Variants in HNRNPM observed in about 807,000 individuals in gnomAD.
The protein encoded by HNRNPM is heterogeneous nuclear ribonucleoprotein M, also known as CEA receptor.
In HNRNPM, 11 loss-of-function variants were observed where a neutral mutation model predicts 73.1. The observed-to-expected ratio is 0.15, with a 90% confidence interval of 0.09 to 0.25. HNRNPM has a LOEUF of 0.25. Among genes scored for constraint, HNRNPM ranks in the 10% least tolerant of loss-of-function variants. HNRNPM has a pLI of 1.00. For synonymous variants in HNRNPM, 407 were observed against 355.2 expected (o/e 1.15, Z -1.64); for missense variants, 789 against 1,067.9 (o/e 0.74, Z 3.64).
chr19:8,471,405 A>G lies in HNRNPM; in HGVS notation c.975A>G (p.Gly325=), dbSNP rs200813301. The change falls in exon 10 of 16, where the codon GGA becomes GGG. Residue 325 remains glycine, a synonymous_variant. Coordinates refer to ENST00000325495, the MANE Select transcript of HNRNPM (RefSeq NM_005968.5). ...IDANHLNKGI[G]MGNIGPAGMG... is the part of the protein sequence containing the mutation. Reference sequence around the variant, plus strand: ...CCAATCACCTGAATAAAGGCATCGGAATGGGAAACATAGGTCCCGCAGGTG... The same window carrying G: ...CCAATCACCTGAATAAAGGCATCGGGATGGGAAACATAGGTCCCGCAGGTG... The G allele has an allele frequency of 9.0e-5, 144 of 1,604,710 alleles. No homozygotes were observed. The highest frequency in any genetic ancestry group is 1.1e-4 in the Non-Finnish European group (135 of 1,175,312).
intron 12 of HNRNPM, among the ~76,000 whole-genome samples, chr19:8,475,375 C>T (rs1323801074): frequency 6.6e-6 from 1 of 152,256 alleles, no homozygotes; most frequent in Non-Finnish European, 1.5e-5. Context: ...TTCCCCTTCA[C>T]TGCAGGAAAG....
rs969206036 is a variant in HNRNPM at position 8,488,582 on chromosome 19, T to C, written c.2030-109T>C. 1.8e-5 allele frequency: 17 copies of C among 933,600 alleles called. No individual in the cohort carries two copies. The African/African-American group carries it at 2.6e-4, about 15-fold the overall frequency. 57.8% of individuals were successfully genotyped at this position (933,600 alleles called of 1,614,324 possible). A position where few individuals can be genotyped will look rare whatever the true frequency, so the allele number is the denominator to read the frequency against. On this transcript the variant is annotated intron_variant, in intron 15 of 15. Coordinates refer to ENST00000325495, the MANE Select transcript of HNRNPM (RefSeq NM_005968.5). Reference sequence around the variant, plus strand: ...GTAGTCATTGGTTCTCGCCATTGTATTCTGAGCCTTTGTGCTCTAGGCTTC... The same window carrying C: ...GTAGTCATTGGTTCTCGCCATTGTACTCTGAGCCTTTGTGCTCTAGGCTTC...
At chr19:8,453,666 C>T (rs903086312) in intron 1 of HNRNPM, among the ~76,000 whole-genome samples, 1 of 152,012 alleles carries the variant, frequency 6.6e-6, no homozygotes, top group Non-Finnish European at 1.5e-5. Context: ...TTCTCACTGG[C>T]GGGACACACA....
At chr19:8,470,654 G>A (rs2145691513) in intron 9 of HNRNPM, among the ~76,000 whole-genome samples, 1 of 152,274 alleles carries the variant, frequency 6.6e-6, no homozygotes, top group South Asian at 2.1e-4. Context: ...AAGCTTACCT[G>A]GTTGTAGTTT....
intron 1 of HNRNPM, among the ~76,000 whole-genome samples, chr19:8,455,067 C>T (rs569447109): frequency 6.6e-6 from 1 of 152,130 alleles, no homozygotes; most frequent in African/African-American, 2.4e-5. Flanking sequence ...CTCGAACTCC[C>T]GAGTTTAAGT....
In HNRNPM at chr19:8,462,755, G is replaced by A. The variant is rs1191867346; in HGVS notation, c.336+174G>A. Among the ~76,000 whole-genome samples the A allele has an allele frequency of 6.6e-6, 1 of 152,162 alleles. No homozygotes were observed. The highest frequency in any genetic ancestry group is 1.5e-5 in the Non-Finnish European group (1 of 68,018). On this transcript the variant is annotated intron_variant, in intron 3 of 15. Coordinates refer to ENST00000325495, the MANE Select transcript of HNRNPM (RefSeq NM_005968.5). This position sits in a 1 kb window ranked among gnomAD's most constrained non-coding sequence, Gnocchi z 4.5. ...GAGGGGATTTGCAAATGGGAGTCCC[G>A]CTTTTCCAAATGGCTGGCCAAAGAG...
intron 15 of HNRNPM, chr19:8,487,302 GT>G (rs1456694236): frequency 1.8e-6 from 1 of 541,318 alleles, no homozygotes; most frequent in Non-Finnish European, 3.4e-6. Context: ...TTCTTTTTGA[GT>G]CTTTGAAACA....
chr19:8,474,914 C>T (rs1016208508), intron 12 of HNRNPM, among the ~76,000 whole-genome samples: 4 of 152,100 alleles, frequency 2.6e-5, no homozygotes, highest in Non-Finnish European at 5.9e-5. Flanking sequence ...GGAGTTTCAC[C>T]ATGTTGGCCA....
chr19:8,452,684 G>A (rs2145618950), intron 1 of HNRNPM, among the ~76,000 whole-genome samples: 1 of 152,252 alleles, frequency 6.6e-6, no homozygotes, highest in East Asian at 1.9e-4. Context: ...TTGTGTATTG[G>A]TATAGTTGAG....
chr19:8,486,534 C>A, intron 14 of HNRNPM, 129 bp downstream of exon 14: 2 of 747,886 alleles, frequency 2.7e-6, no homozygotes, highest in Non-Finnish European at 2.1e-6. Context: ...CTGTCCCAAA[C>A]GTTTTATGCT....
intron 2 of HNRNPM, among the ~76,000 whole-genome samples, chr19:8,461,551 T>G: frequency 6.6e-6 from 1 of 152,228 alleles, no homozygotes; most frequent in Admixed American, 6.5e-5. Context: ...GGTGGTTGTC[T>G]TGATGGATTC....
At chr19:8,457,826 TTAAG>T (rs1324789937) in intron 2 of HNRNPM, among the ~76,000 whole-genome samples, 1 of 152,232 alleles carries the variant, frequency 6.6e-6, no homozygotes, top group Admixed American at 6.5e-5. Context: ...CGCATAAGTT[TTAAG>T]TGTTTTGAAG....
chr19:8,467,636 G>A (rs1254557158), intron 8 of HNRNPM, 52 bp downstream of exon 8: 2 of 1,288,338 alleles, frequency 1.6e-6, no homozygotes, highest in Non-Finnish European at 2.3e-6. Context: ...GCAAAAACAT[G>A]GAATTAATAA....
At chr19:8,471,503 A>C in intron 10 of HNRNPM, 76 bp downstream of exon 10, 3 of 735,432 alleles carry the variant, frequency 4.1e-6, no homozygotes, top group Non-Finnish European at 6.5e-6. Context: ...CTGGACTTTG[A>C]GTAGTTTAAA....
At position 8,463,523 on chromosome 19, in the gene HNRNPM, C is replaced by T. The variant is rs765287656; in HGVS notation, c.344+19C>T. 1.9e-6 allele frequency: 3 copies of T among 1,613,720 alleles called. No homozygotes were observed. The highest frequency in any genetic ancestry group is 2.5e-6 in the Non-Finnish European group (3 of 1,179,720). Reference sequence around the variant, plus strand: ...GATGTGCGTAAGTATCGTCTAGTTACTTATTGGTATTTGAGCCTTCTAACT... The same window carrying T: ...GATGTGCGTAAGTATCGTCTAGTTATTTATTGGTATTTGAGCCTTCTAACT... On this transcript the variant is annotated intron_variant, in intron 4 of 15. Coordinates refer to ENST00000325495, the MANE Select transcript of HNRNPM (RefSeq NM_005968.5).
intron 1 of HNRNPM, among the ~76,000 whole-genome samples, chr19:8,449,923 C>A (rs556625876): frequency 1.8e-4 from 27 of 152,322 alleles, no homozygotes; most frequent in African/African-American, 6.3e-4. Flanking sequence ...CAGCTCTTAG[C>A]CACATGCAGT....
At chr19:8,453,635 C>G (rs1044416524) in intron 1 of HNRNPM, among the ~76,000 whole-genome samples, 1 of 152,016 alleles carries the variant, frequency 6.6e-6, no homozygotes, top group African/African-American at 2.4e-5. Context: ...TAGTAGAGCC[C>G]GTGGTCTGGG....
At chr19:8,488,634 A>C in intron 15 of HNRNPM, 57 bp from the exon 16 acceptor site, 3 of 1,542,306 alleles carry the variant, frequency 1.9e-6, no homozygotes, top group African/African-American at 1.4e-5. Context: ...GACTCTGTCC[A>C]CCAAAATCTA....
intron 1 of HNRNPM, among the ~76,000 whole-genome samples, chr19:8,453,054 CT>C (rs887192542): frequency 5.8e-4 from 88 of 152,184 alleles, no homozygotes; most frequent in African/African-American, 2.0e-3. Flanking sequence ...TTGTCGAACT[CT>C]TGGGTTTAAG....
Sources: gnomAD v4.1 joint callset for allele counts (sites outside exome capture counted in the v4.1 genomes callset) on GRCh38, gnomAD v4.1.1 for gene constraint, Gnocchi (gnomAD v3.1) non-coding constraint, MANE v1.5 for transcripts, NCBI Gene and HGNC (gene_info 2026-07-23, HGNC 2026-07-21) for gene names.